The following ST18 variants were observed in gnomAD, a reference collection of about 807,000 sequenced individuals.
The protein encoded by ST18 is suppression of tumorigenicity 18 protein.
ST18 carries 50 observed loss-of-function variants against 110.0 expected under a neutral mutation model. The ratio of observed to expected loss-of-function variants is 0.45; its 90% confidence interval spans 0.36 to 0.58. The LOEUF (loss-of-function observed/expected upper bound fraction) is 0.58, where lower values mean the gene tolerates loss of function less well. Among genes scored for constraint, ST18 ranks in the 20% least tolerant of loss-of-function variants. The pLI is 0.00. For synonymous variants in ST18, 461 were observed against 452.4 expected (o/e 1.02, Z -0.24); for missense variants, 1,306 against 1,280.1 (o/e 1.02, Z -0.31).
chr8:52,188,087 A>T (rs965284514), intron 8 of ST18, among the ~76,000 whole-genome samples: 1 of 152,222 alleles, frequency 6.6e-6, no homozygotes, highest in African/African-American at 2.4e-5. Flanking sequence ...AGTTTTAAGG[A>T]TATAGCATGG....
At chr8:52,122,074 G>A (rs1239987291) in intron 23 of ST18, among the ~76,000 whole-genome samples, 1 of 152,132 alleles carries the variant, frequency 6.6e-6, no homozygotes, top group African/African-American at 2.4e-5. Context: ...TCAATCTCTT[G>A]ACCTGCTGAT....
chr8:52,197,504 G>A (rs2076530618), intron 8 of ST18, among the ~76,000 whole-genome samples: 1 of 152,106 alleles, frequency 6.6e-6, no homozygotes, highest in Non-Finnish European at 1.5e-5. Flanking sequence ...CTCAAACCAG[G>A]GCCACATATG....
intron 2 of ST18, among the ~76,000 whole-genome samples, chr8:52,333,612 G>C (rs553936363): frequency 6.6e-6 from 1 of 152,296 alleles, no homozygotes; most frequent in African/African-American, 2.4e-5. Flanking sequence ...GCGAAGCCAG[G>C]GAAGAGATAA....
At chr8:52,322,029 A>G (rs551607586) in intron 2 of ST18, among the ~76,000 whole-genome samples, 1 of 152,320 alleles carries the variant, frequency 6.6e-6, no homozygotes, top group South Asian at 2.1e-4. Flanking sequence ...CCATATGGTG[A>G]CTGTGGGAGC....
intron 2 of ST18, among the ~76,000 whole-genome samples, chr8:52,318,650 T>C (rs1419847572): frequency 1.3e-5 from 2 of 152,120 alleles, no homozygotes; most frequent in Admixed American, 6.5e-5. Context: ...TCAACCTAAA[T>C]GCCCATCAAT....
At chr8:52,192,373 A>G (rs915843626) in intron 8 of ST18, among the ~76,000 whole-genome samples, 1 of 152,196 alleles carries the variant, frequency 6.6e-6, no homozygotes, top group African/African-American at 2.4e-5. Flanking sequence ...TATCTACCTG[A>G]GGTCATGCAG....
chr8:52,265,201 A>G (rs2094827947), intron 2 of ST18, among the ~76,000 whole-genome samples: 2 of 152,208 alleles, frequency 1.3e-5, no homozygotes, highest in Admixed American at 1.3e-4. Context: ...AGCCCTAAGG[A>G]GATAGAGCAG....
At chr8:52,185,656 C>A (rs2071797724) in intron 8 of ST18, among the ~76,000 whole-genome samples, 1 of 152,120 alleles carries the variant, frequency 6.6e-6, no homozygotes, top group Non-Finnish European at 1.5e-5. Flanking sequence ...CAACTGATGA[C>A]AAAGGCATCA....
chr8:52,388,536 A>G (rs1327242538), intron 2 of ST18, among the ~76,000 whole-genome samples: 3 of 152,090 alleles, frequency 2.0e-5, no homozygotes, highest in Non-Finnish European at 4.4e-5. Context: ...TTAAGGTGCT[A>G]CGAATAAAGT....
Position 52,131,996 on chromosome 8 carries a change from C to A in ST18, c.2628G>T (p.Gly876=), listed in dbSNP as rs761328726. 1.2e-6 allele frequency: 2 copies of A among 1,614,192 alleles called. No individual in the cohort carries two copies. Among genetic ancestry groups the A allele is most frequent in the South Asian group, 2.2e-5 (2 of 91,086 alleles). ...LPHCPLPGCN[G]LGHVNNVFVT... ...CAAAAACATTATTTACATGGCCCAG[C>A]CCATTGCAGCCTGGCAAGGGACAAT... The change falls in exon 22 of 26, where the codon GGG becomes GGT. Residue 876 remains glycine, a synonymous_variant. Coordinates refer to ENST00000689386, the MANE Select transcript of ST18 (RefSeq NM_001352837.2).
At chr8:52,203,378 C>T (rs552766261) in intron 8 of ST18, among the ~76,000 whole-genome samples, 3 of 152,072 alleles carry the variant, frequency 2.0e-5, no homozygotes, top group Non-Finnish European at 4.4e-5. Context: ...GGCTTTTCTG[C>T]CAACCTTTGT....
rs760276968 is a variant in ST18 at position 52,113,336 on chromosome 8, T to G, written c.3006A>C (p.Gly1002=). 1 of 1,613,648 alleles carries G rather than the reference T, an allele frequency of 6.2e-7. No individual in the cohort carries two copies. The highest frequency in any genetic ancestry group is 1.7e-5 in the Admixed American group (1 of 59,966). The part of the protein sequence containing the change: ...SLADIQLPQM[G]PISEQNFEAY... ...CTTCAAAATTCTGCTCACTGATAGG[T>G]CCCTAAATGGAGACAAAACACATTG... The change falls in exon 26 of 26, where the codon GGA becomes GGC. Residue 1002 remains glycine, a splice_region_variant and synonymous_variant. Coordinates refer to ENST00000689386, the MANE Select transcript of ST18 (RefSeq NM_001352837.2).
At chr8:52,132,947 G>T (rs1022729198) in intron 21 of ST18, 110 bp downstream of exon 21, 1 of 1,233,182 alleles carries the variant, frequency 8.1e-7, no homozygotes, top group Non-Finnish European at 1.2e-6. Context: ...TATTTAATAG[G>T]GTACACCTTC....
intron 2 of ST18, among the ~76,000 whole-genome samples, chr8:52,270,023 T>C (rs769183332): frequency 3.1e-4 from 47 of 152,220 alleles, no homozygotes; most frequent in Non-Finnish European, 5.7e-4. Context: ...GTAACTGATC[T>C]ATATTTTTAA....
At chr8:52,170,017 T>C (rs2064267923) in intron 10 of ST18, among the ~76,000 whole-genome samples, 1 of 152,254 alleles carries the variant, frequency 6.6e-6, no homozygotes, top group Admixed American at 6.5e-5. Context: ...TCAAATACTT[T>C]AAGATGTGGC....
At chr8:52,213,340 C>T (rs2360808) in intron 7 of ST18, among the ~76,000 whole-genome samples, 19,223 of 151,786 alleles carry the variant, frequency 0.13, 2,852 homozygotes, top group African/African-American at 0.35. Flanking sequence ...ATATAGATAA[C>T]GAAAGCATTC....
At chr8:52,145,210 G>A (rs1011778483) in intron 16 of ST18, among the ~76,000 whole-genome samples, 2 of 151,912 alleles carry the variant, frequency 1.3e-5, no homozygotes, top group African/African-American at 2.4e-5. Context: ...CTATAATTAT[G>A]GAAGGCAAGA....
At chr8:52,120,039 A>G (rs2044076581) in intron 23 of ST18, among the ~76,000 whole-genome samples, 1 of 152,156 alleles carries the variant, frequency 6.6e-6, no homozygotes, top group Non-Finnish European at 1.5e-5. Context: ...CCAGGACCAT[A>G]CTCATGGAAC....
chr8:52,193,799 C>G (rs1367551066), intron 8 of ST18, among the ~76,000 whole-genome samples: 1 of 152,204 alleles, frequency 6.6e-6, no homozygotes, highest in Non-Finnish European at 1.5e-5. Context: ...TAAGGATAAT[C>G]CCTGAACTTC....
Sources: allele counts gnomAD v4.1 joint callset (sites outside exome capture counted in the v4.1 genomes callset), GRCh38; gene constraint gnomAD v4.1.1; transcripts MANE v1.5; gene names NCBI Gene and HGNC (gene_info 2026-07-23, HGNC 2026-07-21).